The following SLC4A4 variants were observed in gnomAD, a reference collection of about 807,000 sequenced individuals.
SLC4A4 encodes the protein electrogenic sodium bicarbonate cotransporter 1.
A neutral mutation model predicts 111.5 loss-of-function variants in SLC4A4; 27 were observed. The observed-to-expected ratio is 0.24, with a 90% confidence interval of 0.18 to 0.33. The LOEUF (loss-of-function observed/expected upper bound fraction) is 0.33. Ranked by LOEUF, SLC4A4 falls within the 10% of genes least tolerant of loss-of-function variation. The pLI is 1.00. For synonymous variants in SLC4A4, 443 were observed against 463.4 expected (o/e 0.96, Z 0.57); for missense variants, 909 against 1,315.5 (o/e 0.69, Z 4.78).
intron 2 of SLC4A4, among the ~76,000 whole-genome samples, chr4:71,162,139 A>G (rs1289510927): frequency 6.6e-6 from 1 of 152,208 alleles, no homozygotes; most frequent in Non-Finnish European, 1.5e-5. Context: ...GGCATTCAAT[A>G]TGTTTGGTGG....
intron 2 of SLC4A4, among the ~76,000 whole-genome samples, chr4:71,119,077 G>C (rs1283397410): frequency 6.6e-6 from 1 of 152,206 alleles, no homozygotes; most frequent in African/African-American, 2.4e-5. Context: ...ATAATGATGT[G>C]TCAATGTAGG....
rs1326189159 is a variant in SLC4A4, at chr4:71,571,864, C to T, written c.*4113C>T. ...TTTTATTTTAAATGAAGTAGATCAA[C>T]ATGGTGGAACAAAATGATAAAGAAC... On this transcript the variant is annotated 3_prime_UTR_variant, in exon 26 of 26. Coordinates refer to ENST00000264485, the MANE Select transcript of SLC4A4 (RefSeq NM_001098484.3). 1.3e-5 allele frequency: 2 copies of T among 152,106 alleles called. No individual in the cohort carries two copies. Among genetic ancestry groups the T allele is most frequent in the African/African-American group, 2.4e-5 (1 of 41,358 alleles). The allele number at this position is 152,106 out of a possible 1,614,324, so 9.4% of individuals were successfully genotyped here.
intron 1 of SLC4A4, among the ~76,000 whole-genome samples, chr4:71,214,453 A>G (rs1041385496): frequency 2.6e-5 from 4 of 152,192 alleles, no homozygotes; most frequent in Non-Finnish European, 5.9e-5. Flanking sequence ...GATGGGGCAG[A>G]GAGACAGGAT....
intron 18 of SLC4A4, among the ~76,000 whole-genome samples, chr4:71,535,474 G>A (rs1734333035): frequency 6.6e-6 from 1 of 152,156 alleles, no homozygotes; most frequent in African/African-American, 2.4e-5. Context: ...GGTCAAAGAA[G>A]AGATGTTTAG....
At chr4:71,557,932 C>T (rs1477384239) in intron 22 of SLC4A4, 47 bp downstream of exon 22, 1 of 1,514,216 alleles carries the variant, frequency 6.6e-7, no homozygotes, top group South Asian at 1.1e-5. Context: ...ATATGAGTAT[C>T]ATGTGGTTAT....
chr4:71,076,994 A>T (rs979129779), intron 1 of SLC4A4, among the ~76,000 whole-genome samples: 1 of 151,042 alleles, frequency 6.6e-6, no homozygotes, highest in Non-Finnish European at 1.5e-5. Flanking sequence ...TCTCAAAAAA[A>T]AATACATATA....
chr4:71,534,104 T>A (rs1341092638), intron 17 of SLC4A4, 123 bp from the exon 18 acceptor site: 4 of 797,318 alleles, frequency 5.0e-6, no homozygotes, highest in Non-Finnish European at 8.7e-6. Context: ...AGCTCATAAC[T>A]GTTTATATTT....
At position 71,497,608 on chromosome 4, in the gene SLC4A4, C is replaced by T. The variant is rs1730532053; in HGVS notation, c.2082C>T (p.Leu694=). Reference sequence around the variant, plus strand: ...GTAATTTTGTTCCTGATATCACACTCATGTCTTTTATCCTCTTCTTGGGAA... The same window carrying T: ...GTAATTTTGTTCCTGATATCACACTTATGTCTTTTATCCTCTTCTTGGGAA... ...NNCNFVPDIT[L]MSFILFLGTY... The change falls in exon 16 of 26, where the codon CTC becomes CTT. Residue 694 remains leucine, a synonymous_variant. Coordinates refer to ENST00000264485, the MANE Select transcript of SLC4A4 (RefSeq NM_001098484.3). 6.2e-7 allele frequency: 1 copy of T among 1,613,674 alleles called. No homozygotes were observed. Among genetic ancestry groups the T allele is most frequent in the Non-Finnish European group, 8.5e-7 (1 of 1,179,726 alleles).
intron 4 of SLC4A4, among the ~76,000 whole-genome samples, chr4:71,347,647 A>G (rs983979396): frequency 2.6e-5 from 4 of 152,184 alleles, no homozygotes; most frequent in Non-Finnish European, 2.9e-5. Flanking sequence ...CATTCAGACC[A>G]TAGAGAGGAT....
At chr4:71,499,364 G>A (rs573399779) in intron 16 of SLC4A4, among the ~76,000 whole-genome samples, 92 of 152,082 alleles carry the variant, frequency 6.0e-4, no homozygotes, top group Admixed American at 1.2e-3. Flanking sequence ...GGAGTACAAT[G>A]TGACATATGT....
chr4:71,442,302 T>C (rs1054222271), intron 8 of SLC4A4, among the ~76,000 whole-genome samples: 8 of 152,112 alleles, frequency 5.3e-5, no homozygotes, highest in African/African-American at 7.2e-5. Context: ...GTAGGGCTAG[T>C]GTAGAGGTAA....
At chr4:71,301,911 A>G (rs977134940) in intron 3 of SLC4A4, among the ~76,000 whole-genome samples, 1 of 152,242 alleles carries the variant, frequency 6.6e-6, no homozygotes, top group South Asian at 2.1e-4. Context: ...AATCCTTGTC[A>G]TCTGTCATCT....
intron 1 of SLC4A4, among the ~76,000 whole-genome samples, chr4:71,224,107 T>C (rs1203525174): frequency 6.6e-6 from 1 of 152,068 alleles, no homozygotes; most frequent in Non-Finnish European, 1.5e-5. Context: ...TTCCCTCAGA[T>C]ACTGGAGAAC....
Position 71,439,700 on chromosome 4 carries a change from C to T in SLC4A4, c.808-916C>T, listed in dbSNP as rs1036524874. ...AATTAGGGTGACCCAGGACTTAACT[C>T]TTACCCCTCTGCTCTATCTACACTC... On this transcript the variant is annotated intron_variant, in intron 7 of 25. Transcript: ENST00000264485. Among the ~76,000 whole-genome samples the T allele has an allele frequency of 5.9e-4, 89 of 150,932 alleles. 2 individuals are homozygous for T. The highest frequency in any genetic ancestry group is 1.0e-4 in the Non-Finnish European group (7 of 67,650).
intron 7 of SLC4A4, among the ~76,000 whole-genome samples, chr4:71,421,324 A>G (rs2149022203): frequency 6.6e-6 from 1 of 152,338 alleles, no homozygotes; most frequent in African/African-American, 2.4e-5. Flanking sequence ...AGGAGCACCC[A>G]GATTCATAAA....
intron 3 of SLC4A4, among the ~76,000 whole-genome samples, chr4:71,262,739 A>G (rs961568340): frequency 9.2e-5 from 14 of 152,194 alleles, no homozygotes; most frequent in Non-Finnish European, 1.8e-4. Context: ...CTCCTTAATT[A>G]AATAACAAAC....
chr4:71,347,662 G>T (rs949866932), intron 4 of SLC4A4, among the ~76,000 whole-genome samples: 1 of 152,078 alleles, frequency 6.6e-6, no homozygotes, highest in African/African-American at 2.4e-5. Context: ...GAGGATGATG[G>T]CAGAAAAGAA....
rs890987422 is a variant in SLC4A4 at position 71,148,922 on chromosome 4, G to T, written c.-2+56130G>T. Among the ~76,000 whole-genome samples the T allele has an allele frequency of 3.9e-5, 6 of 152,242 alleles. No individual in the cohort carries two copies. The East Asian group carries it at 1.2e-3, about 29-fold the overall frequency. ...ATATATACCTAGTAAGGGGATTGCT[G>T]GGTTGAATGGTATTTCTGTCTTTTG... On this transcript the variant is annotated intron_variant, in intron 2 of 26. Transcript: ENST00000649996.
At chr4:71,117,746 T>TCTCC in intron 2 of SLC4A4, among the ~76,000 whole-genome samples, 1 of 152,350 alleles carries the variant, frequency 6.6e-6, no homozygotes, top group South Asian at 2.1e-4. Flanking sequence ...GAAAGGGTTC[T>TCTCC]CTCCCTCTCT....
Sources: allele counts gnomAD v4.1 joint callset (sites outside exome capture counted in the v4.1 genomes callset), GRCh38; gene constraint gnomAD v4.1.1; transcripts MANE v1.5; gene names NCBI Gene and HGNC (gene_info 2026-07-23, HGNC 2026-07-21).